OR3A2: variants seen among roughly 807,000 people sequenced by gnomAD.
OR3A2 encodes olfactory receptor 3A2.
For missense variants in OR3A2, 318 were observed against 392.8 expected, an observed-to-expected ratio of 0.81 and a Z score of 1.61; for synonymous variants, 126 against 159.3, an observed-to-expected ratio of 0.79 and a Z score of 1.57.
chr17:3,283,045 T>C (rs1469934685), intron 1 of OR3A2, among the ~76,000 whole-genome samples: 2 of 150,796 alleles, frequency 1.3e-5, no homozygotes, highest in African/African-American at 4.9e-5. Flanking sequence ...TCTCTCTCTC[T>C]CCTCACCCCC....
At chr17:3,303,201 G>A (rs974048467) in intron 3 of OR3A2, among the ~76,000 whole-genome samples, 1 of 152,116 alleles carries the variant, frequency 6.6e-6, no homozygotes, top group Non-Finnish European at 1.5e-5. Context: ...TACTTATACT[G>A]AAGAGTAAAA....
intron 2 of OR3A2, among the ~76,000 whole-genome samples, chr17:3,368,480 G>A (rs2049583323): frequency 6.6e-6 from 1 of 152,092 alleles, no homozygotes; most frequent in South Asian, 2.1e-4. Flanking sequence ...AGCACCATTT[G>A]TTGAATAGGG....
At chr17:3,354,117 C>T (rs2049443445) in intron 2 of OR3A2, among the ~76,000 whole-genome samples, 1 of 151,744 alleles carries the variant, frequency 6.6e-6, no homozygotes, top group African/African-American at 2.4e-5. Context: ...CAGTATTCAT[C>T]AGAGATACTG....
At chr17:3,322,211 T>C (rs2150636223) in intron 3 of OR3A2, among the ~76,000 whole-genome samples, 1 of 152,310 alleles carries the variant, frequency 6.6e-6, no homozygotes, top group South Asian at 2.1e-4. Flanking sequence ...GTGGGATCGG[T>C]GGTGATATAT....
chr17:3,383,735 C>T (rs1026007035), intron 2 of OR3A2: 1 of 152,086 alleles, frequency 6.6e-6, no homozygotes, highest in African/African-American at 2.4e-5. Context: ...GATGATTTCC[C>T]TGGGACGGCA....
chr17:3,349,770 A>C (rs1358116471), intron 2 of OR3A2, among the ~76,000 whole-genome samples: 4 of 151,752 alleles, frequency 2.6e-5, no homozygotes. Context: ...AAAATTGACC[A>C]CATACTTGGA....
chr17:3,330,541 T>C (rs896615314), intron 3 of OR3A2, among the ~76,000 whole-genome samples: 7 of 151,716 alleles, frequency 4.6e-5, no homozygotes, highest in African/African-American at 1.7e-4. Flanking sequence ...AACCCCTGCC[T>C]TTTTTTTGTT....
chr17:3,382,981 G>A (rs560227525), intron 2 of OR3A2, among the ~76,000 whole-genome samples: 4 of 152,274 alleles, frequency 2.6e-5, no homozygotes, highest in East Asian at 1.9e-4. Flanking sequence ...TGAATTGTAC[G>A]GCTGAGCCAT....
rs3110078 is a variant in OR3A2, at chr17:3,371,821, G to T, written c.-179+11983C>A. 2.5e-5 allele frequency among the ~76,000 whole-genome samples: 3 copies of T among 120,490 alleles called. 1 individual carries two copies. Among genetic ancestry groups the T allele is most frequent in the Non-Finnish European group, 5.1e-5 (3 of 58,392 alleles). The allele number at this position is 120,490 out of a possible 152,430, so 79.0% of individuals were successfully genotyped here. Reference sequence around the variant, plus strand: ...TGGCCGGGGCGGCTGGCCGGGCGGGGGGCTGACCTCCCCACCACCTCCCGC... The same window carrying T: ...TGGCCGGGGCGGCTGGCCGGGCGGGTGGCTGACCTCCCCACCACCTCCCGC... On this transcript the variant is annotated intron_variant, in intron 2 of 4. Coordinates refer to the OR3A2 transcript ENST00000573491.
intron 3 of OR3A2, among the ~76,000 whole-genome samples, chr17:3,309,337 G>A (rs1290010518): frequency 1.3e-5 from 2 of 152,178 alleles, no homozygotes; most frequent in Admixed American, 1.3e-4. Context: ...CATGTGTGTT[G>A]GATGATGCGT....
intron 2 of OR3A2, among the ~76,000 whole-genome samples, chr17:3,369,120 A>G (rs887455134): frequency 6.6e-6 from 1 of 152,150 alleles, no homozygotes; most frequent in Non-Finnish European, 1.5e-5. Context: ...CATTTATCAG[A>G]TCTAGGAGCT....
At position 3,348,386 on chromosome 17, in the gene OR3A2, G is replaced by A. The variant is rs147466011; in HGVS notation, c.-178-12260C>T. Reference sequence around the variant, plus strand: ...GGGTTTTCATGGTTTTAGATCTAACGAAGCCTCAGGAGCCGATGCGATCAA... The same window carrying A: ...GGGTTTTCATGGTTTTAGATCTAACAAAGCCTCAGGAGCCGATGCGATCAA... On this transcript the variant is annotated intron_variant, in intron 2 of 4. Transcript: ENST00000573491. 1.9e-3 allele frequency among the ~76,000 whole-genome samples: 282 copies of A among 151,442 alleles called. 1 individual carries two copies. The highest frequency in any genetic ancestry group is 6.0e-3 in the African/African-American group (250 of 41,418).
intron 3 of OR3A2, among the ~76,000 whole-genome samples, chr17:3,307,460 T>C (rs1474667987): frequency 1.3e-5 from 2 of 152,250 alleles, no homozygotes; most frequent in Non-Finnish European, 2.9e-5. Context: ...AAAGAGCTTC[T>C]TCCAAACCTG....
At chr17:3,334,745 C>A (rs1411046204) in intron 3 of OR3A2, among the ~76,000 whole-genome samples, 1 of 152,148 alleles carries the variant, frequency 6.6e-6, no homozygotes, top group African/African-American at 2.4e-5. Context: ...CATATAGAGG[C>A]ATACAATCAT....
intron 3 of OR3A2, among the ~76,000 whole-genome samples, chr17:3,327,407 G>GT (rs1195162321): frequency 9.8e-6 from 1 of 101,750 alleles, no homozygotes; most frequent in Non-Finnish European, 1.8e-5. Flanking sequence ...GGGGTTGTTT[G>GT]TTTTTTTCTT....
chr17:3,376,137 T>C (rs1339679249), intron 2 of OR3A2, among the ~76,000 whole-genome samples: 2 of 152,260 alleles, frequency 1.3e-5, no homozygotes, highest in African/African-American at 4.8e-5. Flanking sequence ...ACCAGGGTGT[T>C]GCAAACAGTG....
intron 2 of OR3A2, among the ~76,000 whole-genome samples, chr17:3,339,532 C>G (rs543243935): frequency 6.6e-6 from 1 of 152,248 alleles, no homozygotes; most frequent in Admixed American, 6.5e-5. Flanking sequence ...TTGAGAAAAT[C>G]ATGTGGTTTT....
chr17:3,348,727 G>C (rs544728241), intron 2 of OR3A2, among the ~76,000 whole-genome samples: 4 of 152,116 alleles, frequency 2.6e-5, no homozygotes, highest in Admixed American at 2.6e-4. Context: ...ATACATAATT[G>C]TCAGATTCAC....
intron 2 of OR3A2, among the ~76,000 whole-genome samples, chr17:3,380,343 G>A (rs917248629): frequency 2.0e-5 from 3 of 152,176 alleles, no homozygotes; most frequent in African/African-American, 7.2e-5. Flanking sequence ...AGGTGGGTTC[G>A]GAGCCCAGGA....
Sources: gnomAD v4.1 joint callset for allele counts (sites outside exome capture counted in the v4.1 genomes callset) on GRCh38, gnomAD v4.1.1 for gene constraint, MANE v1.5 for transcripts, NCBI Gene and HGNC (gene_info 2026-07-23, HGNC 2026-07-21) for gene names.